PRAG1: variants seen among roughly 807,000 people sequenced by gnomAD.
The protein encoded by PRAG1 is PEAK1 related, kinase-activating pseudokinase 1.
A neutral mutation model predicts 95.6 loss-of-function variants in PRAG1; 110 were observed. That is an observed-to-expected ratio of 1.15 (90% CI 0.99 to 1.35). The LOEUF (loss-of-function observed/expected upper bound fraction) is 1.35, where lower values mean the gene tolerates loss of function less well. Ranked by LOEUF, PRAG1 falls within the 40% of genes most tolerant of loss-of-function variation. The probability of loss-of-function intolerance (pLI) is 0.00; values close to 1 mark genes in which losing one functional copy is unlikely to be tolerated. For synonymous variants in PRAG1, 1,052 were observed against 819.4 expected (o/e 1.28, Z -4.85); for missense variants, 2,554 against 1,864.7 (o/e 1.37, Z -6.81).
chr8:8,344,829 G>T (rs1413652484), intron 3 of PRAG1, among the ~76,000 whole-genome samples: 1 of 152,186 alleles, frequency 6.6e-6, no homozygotes, highest in Non-Finnish European at 1.5e-5. Context: ...AGACCCCTCA[G>T]TGGGAACAGG....
intron 3 of PRAG1, among the ~76,000 whole-genome samples, chr8:8,369,331 G>A (rs368692415): frequency 2.4e-4 from 36 of 152,190 alleles, no homozygotes; most frequent in East Asian, 2.3e-3. Context: ...TTATAATTTC[G>A]GAGGAGATGC....
At chr8:8,336,908 T>TCCCCCCCCCCCCCCCCCC (rs1214780667) in intron 4 of PRAG1, among the ~76,000 whole-genome samples, 1 of 49,032 alleles carries the variant, frequency 2.0e-5, no homozygotes, top group African/African-American at 1.3e-4. Context: ...CACACCCCTT[T>TCCCCCCCCCCCCCCCCCC]CCCCCCTCCC....
rs1800484169 is a variant in PRAG1, at chr8:8,377,921, C to A, written c.488G>T (p.Gly163Val). Residue 163 changes from glycine (G) to valine (V), a missense_variant, in exon 3 of 6, where the codon GGC (glycine) becomes GTC (valine). Coordinates refer to ENST00000615670, the MANE Select transcript of PRAG1 (RefSeq NM_001080826.3). ...GCCGCGGGGCTCAAGGTTGTGCAGG[C>A]CGACCATGGTGTAAGCTGGGGGACA... The part of the protein sequence containing the change: ...SRCPPAYTMV[G>V]LHNLEPRGER... The A allele has an allele frequency of 6.2e-7, 1 of 1,613,958 alleles. No individual in the cohort carries two copies. Among genetic ancestry groups the A allele is most frequent in the East Asian group, 2.2e-5 (1 of 44,870 alleles).
At chr8:8,339,747 G>C (rs1799107223) in intron 3 of PRAG1, 112 bp from the exon 4 acceptor site, 1 of 1,037,490 alleles carries the variant, frequency 9.6e-7, no homozygotes, top group Non-Finnish European at 1.4e-6. Context: ...ATGTCAGCAA[G>C]TTTATTAAAA....
At chr8:8,378,663 G>T (rs188805088) in intron 2 of PRAG1, among the ~76,000 whole-genome samples, 1 of 151,898 alleles carries the variant, frequency 6.6e-6, no homozygotes, top group African/African-American at 2.4e-5. Flanking sequence ...AGTTCAAGAC[G>T]AGCCTGGGCA....
At position 8,340,586 on chromosome 8, in the gene PRAG1, A is replaced by G. The variant is rs1799130594; in HGVS notation, c.2163-951T>C. On this transcript the variant is annotated intron_variant, in intron 3 of 5. Transcript: ENST00000615670. ...TCTCAATATCTGCTATGGGAAATAT[A>G]CAGTACAGTACTGATTTGGCATCAG... Among the ~76,000 whole-genome samples, 2 of 152,282 alleles carry G rather than the reference A, an allele frequency of 1.3e-5. 1 individual carries two copies. The highest frequency in any genetic ancestry group is 4.1e-4 in the South Asian group (2 of 4,838).
chr8:8,322,790 TC>T (rs1798514921), intron 5 of PRAG1, among the ~76,000 whole-genome samples: 1 of 152,118 alleles, frequency 6.6e-6, no homozygotes, highest in African/African-American at 2.4e-5. Context: ...CAAGTGCCAA[TC>T]AGAAAATCTT....
chr8:8,345,867 G>A (rs1376967931), intron 3 of PRAG1, among the ~76,000 whole-genome samples: 1 of 152,130 alleles, frequency 6.6e-6, no homozygotes, highest in Non-Finnish European at 1.5e-5. Context: ...CATCCGCCCT[G>A]GAAACCTGTG....
At chr8:8,365,517 G>A (rs535402850) in intron 3 of PRAG1, among the ~76,000 whole-genome samples, 9 of 152,172 alleles carry the variant, frequency 5.9e-5, no homozygotes, top group East Asian at 3.9e-4. Flanking sequence ...CCAGCTACTC[G>A]GGAGGCTGAG....
intron 3 of PRAG1, among the ~76,000 whole-genome samples, chr8:8,373,149 C>T (rs1358304682): frequency 6.6e-6 from 1 of 152,132 alleles, no homozygotes; most frequent in Non-Finnish European, 1.5e-5. Flanking sequence ...GGAATTGGTG[C>T]CGGATCAACT....
chr8:8,360,506 A>G (rs1041785220), intron 3 of PRAG1, among the ~76,000 whole-genome samples: 1 of 152,088 alleles, frequency 6.6e-6, no homozygotes, highest in African/African-American at 2.4e-5. Context: ...CTGCCAAAAG[A>G]TTTTCACTTT....
intron 3 of PRAG1, among the ~76,000 whole-genome samples, chr8:8,341,782 T>TA (rs543026618): frequency 2.4e-3 from 369 of 152,360 alleles, no homozygotes; most frequent in Non-Finnish European, 4.2e-3. Flanking sequence ...GGCTAGCCCA[T>TA]AATTTTTCTT....
intron 3 of PRAG1, among the ~76,000 whole-genome samples, chr8:8,371,346 C>T (rs1200498593): frequency 3.3e-5 from 5 of 151,612 alleles, no homozygotes; most frequent in Admixed American, 6.6e-5. Flanking sequence ...CTGCAAGCTC[C>T]GCCTCCCGGG....
Position 8,376,620 on chromosome 8 carries a change from G to C in PRAG1, c.1789C>G (p.Pro597Ala). ...PPSQGPADPA[P>A]SCRTNGVAIS... is the part of the protein sequence containing the mutation. ...GCGACACCGTTGGTCCGGCAGGAAG[G>C]AGCGGGGTCAGCAGGACCTTGGGAT... The change falls in exon 3 of 6, where the codon CCT becomes GCT. Residue 597 changes from proline to alanine, a missense_variant. Pro to Ala is a conservative substitution (Grantham distance 27, BLOSUM62 -1). Coordinates refer to ENST00000615670, the MANE Select transcript of PRAG1 (RefSeq NM_001080826.3). The C allele has an allele frequency of 4.4e-6, 7 of 1,604,460 alleles. No individual in the cohort carries two copies. Among genetic ancestry groups the C allele is most frequent in the Non-Finnish European group, 6.0e-6 (7 of 1,174,876 alleles).
At chr8:8,364,649 T>C (rs1448526066) in intron 3 of PRAG1, among the ~76,000 whole-genome samples, 1 of 152,022 alleles carries the variant, frequency 6.6e-6, no homozygotes, top group Non-Finnish European at 1.5e-5. Context: ...TGACACTATA[T>C]GGCAGGATTT....
chr8:8,330,621 C>T (rs1435211748), intron 4 of PRAG1, among the ~76,000 whole-genome samples: 1 of 152,116 alleles, frequency 6.6e-6, no homozygotes, highest in African/African-American at 2.4e-5. Flanking sequence ...TACATGCCCA[C>T]GAATTTCCCC....
rs186925864 is a variant in PRAG1, at chr8:8,325,517, A to G, written c.3072+2193T>C. 3.7e-3 allele frequency among the ~76,000 whole-genome samples: 560 copies of G among 152,280 alleles called. 2 individuals carry two copies. The highest frequency in any genetic ancestry group is 6.4e-3 in the Non-Finnish European group (433 of 68,014). On this transcript the variant is annotated intron_variant, in intron 5 of 5. Transcript: ENST00000615670. The stretch of plus-strand genomic sequence containing the variant: ...TTTTAACATTCTTAAGGAAAGTTAA[A>G]TTTCTTTTGTGTTGTTTATTAGAGA...
chr8:8,349,192 C>G (rs2116861238), intron 3 of PRAG1, among the ~76,000 whole-genome samples: 1 of 152,200 alleles, frequency 6.6e-6, no homozygotes, highest in Admixed American at 6.5e-5. Flanking sequence ...TTTTTAAATG[C>G]TTTTTTATCC....
intron 3 of PRAG1, among the ~76,000 whole-genome samples, chr8:8,363,446 T>C (rs1292418422): frequency 1.3e-5 from 2 of 152,160 alleles, no homozygotes; most frequent in African/African-American, 2.4e-5. Flanking sequence ...AACATTATGC[T>C]AAGTGAAACA....
Sources: allele counts gnomAD v4.1 joint callset (sites outside exome capture counted in the v4.1 genomes callset), GRCh38; gene constraint gnomAD v4.1.1; transcripts MANE v1.5; gene names NCBI Gene and HGNC (gene_info 2026-07-23, HGNC 2026-07-21).